Variants in A2ML1 observed in about 807,000 individuals in gnomAD.
A2ML1 encodes alpha-2-macroglobulin like 1.
In A2ML1, 161 loss-of-function variants were observed where a neutral mutation model predicts 181.9. That is an observed-to-expected ratio of 0.89 (90% CI 0.78 to 1.01). A2ML1 has a LOEUF of 1.01. Among genes scored for constraint, A2ML1 ranks in the 50% least tolerant of loss-of-function variants. A2ML1 has a pLI of 0.00. For missense variants in A2ML1, 1,670 were observed against 1,768.1 expected, an observed-to-expected ratio of 0.94 and a Z score of 1.00; for synonymous variants, 663 against 666.8, an observed-to-expected ratio of 0.99 and a Z score of 0.09.
Position 8,852,127 on chromosome 12 carries a change from G to A in A2ML1, c.2464-83G>A. On this transcript the variant is annotated intron_variant, in intron 19 of 35. Transcript: ENST00000299698. This position sits in a 1 kb window ranked among gnomAD's most constrained non-coding sequence, Gnocchi z 4.2. ...TCCCTGGGAAAGAGAGGAGATGTCG[G>A]CGTCTCAGCCCCCAGGTTTCCCCAG... is the stretch of plus-strand genomic sequence containing the variant. 2 of 1,592,262 alleles carry A rather than the reference G, an allele frequency of 1.3e-6. No homozygotes were observed. The highest frequency in any genetic ancestry group is 2.2e-5 in the East Asian group (1 of 44,696).
At chr12:8,853,774 G>A (rs1381454798) in intron 20 of A2ML1, among the ~76,000 whole-genome samples, 1 of 152,198 alleles carries the variant, frequency 6.6e-6, no homozygotes, top group Non-Finnish European at 1.5e-5. Flanking sequence ...ACCCAAGATG[G>A]AAGCTGCAGT....
rs1309952850 is a variant in A2ML1 at position 8,861,306 on chromosome 12, G to A, written c.3502+9G>A. ...ACAGGCTATCATCTCAGGTATGTTGGTCCTGTTGAGAGTTCTTTGAAATTG... is the reference window on the plus strand; with the variant it reads ...ACAGGCTATCATCTCAGGTATGTTGATCCTGTTGAGAGTTCTTTGAAATTG... On this transcript the variant is annotated intron_variant, in intron 28 of 35. Coordinates refer to ENST00000299698, the MANE Select transcript of A2ML1 (RefSeq NM_144670.6). The A allele has an allele frequency of 6.2e-7, 1 of 1,613,512 alleles. No individual in the cohort carries two copies. The highest frequency in any genetic ancestry group is 8.5e-7 in the Non-Finnish European group (1 of 1,179,798).
chr12:8,862,730 G>A (rs1039459752), intron 28 of A2ML1, among the ~76,000 whole-genome samples: 25 of 151,972 alleles, frequency 1.6e-4, no homozygotes, highest in African/African-American at 3.6e-4. Flanking sequence ...ATGTGTGTCC[G>A]AGACAATGGG....
intron 3 of A2ML1, 141 bp downstream of exon 3, chr12:8,824,023 T>C (rs1942839490): frequency 4.3e-6 from 4 of 933,298 alleles, no homozygotes; most frequent in South Asian, 5.0e-5. Flanking sequence ...GATTAAGTAG[T>C]GCAAGTGTTG....
intron 33 of A2ML1, among the ~76,000 whole-genome samples, chr12:8,871,760 C>G (rs1252515844): frequency 6.6e-6 from 1 of 151,990 alleles, no homozygotes; most frequent in Non-Finnish European, 1.5e-5. Context: ...TATCCTTTCC[C>G]CATTACTATA....
chr12:8,862,310 C>T (rs59933620), intron 28 of A2ML1, among the ~76,000 whole-genome samples: 14,525 of 152,098 alleles, frequency 0.095, 867 homozygotes, highest in African/African-American at 0.15. Context: ...TCAAGTGATT[C>T]TCCTGCCTCA....
intron 3 of A2ML1, among the ~76,000 whole-genome samples, chr12:8,826,700 C>A (rs1942940108): frequency 6.6e-6 from 1 of 152,160 alleles, no homozygotes; most frequent in South Asian, 2.1e-4. Context: ...CTCATTGCAG[C>A]CTCTGCCTCC....
chr12:8,870,398 GC>G (rs1301464691), intron 33 of A2ML1, among the ~76,000 whole-genome samples: 2 of 152,126 alleles, frequency 1.3e-5, no homozygotes, highest in African/African-American at 4.8e-5. Flanking sequence ...CTCCCGAGTA[GC>G]TGGGACCACA....
chr12:8,853,682 C>A (rs1420044130), intron 20 of A2ML1, among the ~76,000 whole-genome samples: 1 of 152,168 alleles, frequency 6.6e-6, no homozygotes, highest in Non-Finnish European at 1.5e-5. Context: ...CTCAGTATCT[C>A]ATCACATGAA....
In A2ML1 at chr12:8,861,182, C is replaced by A; in HGVS notation, c.3387C>A (p.Thr1129=). The stretch of plus-strand genomic sequence containing the variant: ...TACGGTGTCTCAAGAATTCGGCCAC[C>A]TCCACGACCAACCTCTACACACAGG... ...QGLRCLKNSA[T]STTNLYTQAL... is the part of the protein sequence containing the mutation. Residue 1129 remains threonine, a synonymous_variant, in exon 28 of 36, where the codon ACC becomes ACA. Coordinates refer to ENST00000299698, the MANE Select transcript of A2ML1 (RefSeq NM_144670.6). 6.2e-7 allele frequency: 1 copy of A among 1,614,052 alleles called. No individual in the cohort carries two copies. Among genetic ancestry groups the A allele is most frequent in the Non-Finnish European group, 8.5e-7 (1 of 1,180,020 alleles).
chr12:8,836,544 C>T (rs937313440), intron 7 of A2ML1, among the ~76,000 whole-genome samples: 18 of 148,770 alleles, frequency 1.2e-4, no homozygotes, highest in Non-Finnish European at 1.5e-4. Context: ...AGTGCAATCA[C>T]GTGATCTCGG....
chr12:8,823,322 A>G lies in A2ML1; in HGVS notation c.203A>G (p.Tyr68Cys). The G allele has an allele frequency of 6.2e-7, 1 of 1,614,034 alleles. No individual in the cohort carries two copies. The change falls in exon 2 of 36, where the codon TAC (tyrosine) becomes TGC (cysteine). Residue 68 changes from tyrosine to cysteine, a missense_variant. Transcript: ENST00000299698. Reference protein sequence around the residue: ...TKDKTQKLLEYSGLKKRHLHC... With the variant: ...TKDKTQKLLECSGLKKRHLHC... ...GACAAGACCCAGAAGTTGCTAGAAT[A>G]CTCTGGACTGAAGAAGAGGCACTTA...
At chr12:8,866,857 AT>A (rs1044772836) in intron 29 of A2ML1, among the ~76,000 whole-genome samples, 15 of 151,962 alleles carry the variant, frequency 9.9e-5, no homozygotes, top group African/African-American at 3.4e-4. Context: ...TGTAATAGAT[AT>A]TTTTTGTAAT....
Position 8,822,723 on chromosome 12 carries a change from T to C in A2ML1, c.62+10T>C, listed in dbSNP as rs1005407660. 14 of 1,613,840 alleles carry C rather than the reference T, an allele frequency of 8.7e-6. No individual in the cohort carries two copies. The highest frequency in any genetic ancestry group is 1.2e-5 in the Non-Finnish European group (14 of 1,179,846). On this transcript the variant is annotated intron_variant, in intron 1 of 35. Transcript: ENST00000299698. ...TTGCAGAAGAACTTCCGTGAGTGCT[T>C]GGTGTCAGAATTGGTTTATTAGGGC...
intron 12 of A2ML1, 106 bp downstream of exon 12, chr12:8,843,467 C>G (rs1192335079): frequency 1.0e-6 from 1 of 984,510 alleles, no homozygotes; most frequent in East Asian, 2.7e-5. Context: ...AGATGCACAT[C>G]TAATTAAAAA....
At chr12:8,873,947 T>C (rs1012219106) in intron 33 of A2ML1, among the ~76,000 whole-genome samples, 2 of 152,126 alleles carry the variant, frequency 1.3e-5, no homozygotes, top group Non-Finnish European at 2.9e-5. Context: ...CAGGAGGCAA[T>C]GTCTTTAAGA....
intron 29 of A2ML1, among the ~76,000 whole-genome samples, chr12:8,867,093 G>A (rs1944448797): frequency 6.6e-6 from 1 of 152,126 alleles, no homozygotes; most frequent in Admixed American, 6.5e-5. Context: ...CTTTCCTAGG[G>A]TCCCTTATAC....
At chr12:8,846,011 G>C in intron 13 of A2ML1, 66 bp from the exon 14 acceptor site, 2 of 1,588,494 alleles carry the variant, frequency 1.3e-6, no homozygotes, top group Middle Eastern at 3.4e-4. Context: ...AAGTACATAT[G>C]GTTAGATGCC....
intron 16 of A2ML1, 131 bp downstream of exon 16, chr12:8,849,045 T>G: frequency 4.0e-6 from 4 of 989,640 alleles, no homozygotes; most frequent in Non-Finnish European, 5.9e-6. Context: ...AAGAAGCTTC[T>G]GACGTGTAAG....
Sources: allele counts gnomAD v4.1 joint callset (sites outside exome capture counted in the v4.1 genomes callset), GRCh38; gene constraint gnomAD v4.1.1; non-coding constraint Gnocchi (gnomAD v3.1); transcripts MANE v1.5; gene names NCBI Gene and HGNC (gene_info 2026-07-23, HGNC 2026-07-21).